The following MAN1A1 variants were observed in gnomAD, a reference collection of about 807,000 sequenced individuals.
MAN1A1 encodes mannosidase alpha class 1A member 1.
A neutral mutation model predicts 70.8 loss-of-function variants in MAN1A1; 29 were observed. That is an observed-to-expected ratio of 0.41 (90% CI 0.31 to 0.56). The LOEUF is 0.56. Among genes scored for constraint, MAN1A1 ranks in the 20% least tolerant of loss-of-function variants. MAN1A1 has a pLI of 0.29. For synonymous variants in MAN1A1, 349 were observed against 330.1 expected (o/e 1.06, Z -0.62); for missense variants, 747 against 841.3 (o/e 0.89, Z 1.39).
At chr6:119,269,322 G>T in intron 5 of MAN1A1, 1 of 264,366 alleles carries the variant, frequency 3.8e-6, no homozygotes, top group South Asian at 3.3e-5. Context: ...AGGCACCCCA[G>T]ATAGGCAAAT....
chr6:119,222,000 T>C (rs534181450), intron 6 of MAN1A1, among the ~76,000 whole-genome samples: 1 of 152,294 alleles, frequency 6.6e-6, no homozygotes, highest in African/African-American at 2.4e-5. Context: ...ACTAAATATT[T>C]TACTATGCAT....
intron 6 of MAN1A1, among the ~76,000 whole-genome samples, chr6:119,214,242 G>A (rs1056175328): frequency 6.6e-5 from 10 of 152,090 alleles, no homozygotes; most frequent in Admixed American, 2.0e-4. Context: ...GGGATTCCAG[G>A]TGTGAGCCAC....
At chr6:119,230,279 A>G (rs559869941) in intron 6 of MAN1A1, among the ~76,000 whole-genome samples, 5 of 152,302 alleles carry the variant, frequency 3.3e-5, no homozygotes, top group Admixed American at 3.3e-4. Flanking sequence ...CTCTTGAGAC[A>G]GGGATGAGCA....
intron 6 of MAN1A1, among the ~76,000 whole-genome samples, chr6:119,210,044 G>C (rs1773999130): frequency 1.3e-5 from 2 of 152,142 alleles, no homozygotes; most frequent in African/African-American, 4.8e-5. Context: ...AGTTGTTTTA[G>C]ACAGAGCTGA....
At chr6:119,197,716 T>A (rs1014661294) in intron 8 of MAN1A1, among the ~76,000 whole-genome samples, 4 of 151,788 alleles carry the variant, frequency 2.6e-5, no homozygotes, top group African/African-American at 9.7e-5. Flanking sequence ...AATAAAAAAA[T>A]AAGTGTGTTT....
At chr6:119,304,963 T>C (rs1772488918) in intron 3 of MAN1A1, among the ~76,000 whole-genome samples, 1 of 152,168 alleles carries the variant, frequency 6.6e-6, no homozygotes, top group African/African-American at 2.4e-5. Context: ...TCCATAAAAA[T>C]GAAAACTTTG....
At chr6:119,239,173 C>T (rs532505919) in intron 6 of MAN1A1, among the ~76,000 whole-genome samples, 37 of 152,276 alleles carry the variant, frequency 2.4e-4, no homozygotes, top group Non-Finnish European at 3.4e-4. Flanking sequence ...CCACCGCACC[C>T]GGCCTGAAAC....
intron 6 of MAN1A1, among the ~76,000 whole-genome samples, chr6:119,224,169 C>G (rs1774442687): frequency 6.6e-6 from 1 of 152,006 alleles, no homozygotes; most frequent in African/African-American, 2.4e-5. Flanking sequence ...ATAAGACATG[C>G]TATAAGGGAG....
At chr6:119,341,667 G>A (rs1180556240) in intron 2 of MAN1A1, among the ~76,000 whole-genome samples, 2 of 152,166 alleles carry the variant, frequency 1.3e-5, no homozygotes, top group Non-Finnish European at 2.9e-5. Flanking sequence ...GATGGACTGA[G>A]CTCTGATTAT....
At position 119,236,858 on chromosome 6, in the gene MAN1A1, T is replaced by C. The variant is rs1582723403; in HGVS notation, c.992+11402A>G. The stretch of plus-strand genomic sequence containing the variant: ...GCCTTCTGGAAAAGATTTGCCATTA[T>C]AGATGCCATTAAGAACATTTGTAAT... On this transcript the variant is annotated intron_variant, in intron 6 of 12. Transcript: ENST00000368468. Among the ~76,000 whole-genome samples the C allele has an allele frequency of 2.6e-5, 4 of 152,106 alleles. No homozygotes were observed. The East Asian group carries it at 5.8e-4, about 22-fold the overall frequency.
chr6:119,340,115 G>C (rs1056974646), intron 2 of MAN1A1, among the ~76,000 whole-genome samples: 5 of 152,064 alleles, frequency 3.3e-5, no homozygotes, highest in Admixed American at 3.3e-4. Flanking sequence ...AACAAAAACA[G>C]TAAAAAGGAA....
In MAN1A1 at chr6:119,214,480, T is replaced by C. The variant is rs529135674; in HGVS notation, c.993-9598A>G. Among the ~76,000 whole-genome samples, 11 of 152,328 alleles carry C rather than the reference T, an allele frequency of 7.2e-5. No individual in the cohort carries two copies. In the South Asian group the frequency reaches 2.1e-3, roughly 29 times the overall value. On this transcript the variant is annotated intron_variant, in intron 6 of 12. Transcript: ENST00000368468. ...GTTTATAAAATAAGTTTTTAAATTGTAAAATGCAAAAAGTAAAAACATCAC... is the reference window on the plus strand; with the variant it reads ...GTTTATAAAATAAGTTTTTAAATTGCAAAATGCAAAAAGTAAAAACATCAC...
chr6:119,288,888 A>G (rs1173860539), intron 5 of MAN1A1, among the ~76,000 whole-genome samples: 1 of 151,782 alleles, frequency 6.6e-6, no homozygotes, highest in Non-Finnish European at 1.5e-5. Context: ...TAATAAAAAC[A>G]TGTTTGTGTA....
intron 7 of MAN1A1, among the ~76,000 whole-genome samples, chr6:119,204,390 A>G (rs1014666827): frequency 2.6e-5 from 4 of 152,224 alleles, no homozygotes; most frequent in African/African-American, 9.6e-5. Flanking sequence ...CGAGGGACCA[A>G]TTCAGCTGCA....
In MAN1A1 at chr6:119,197,281, G is replaced by A. The variant is rs550399336; in HGVS notation, c.1211-3389C>T. Among the ~76,000 whole-genome samples the A allele has an allele frequency of 7.3e-5, 11 of 149,876 alleles. No homozygotes were observed. In the South Asian group the frequency reaches 2.3e-3, roughly 32 times the overall value. Reference sequence around the variant, plus strand: ...TGCACCACTGCACACTACCCTGGGCGACAAAGTAAGACTCCGTCTCCAAAA... The same window carrying A: ...TGCACCACTGCACACTACCCTGGGCAACAAAGTAAGACTCCGTCTCCAAAA... On this transcript the variant is annotated intron_variant, in intron 8 of 12. Transcript: ENST00000368468.
At position 119,204,170 on chromosome 6, in the gene MAN1A1, G is replaced by A. The variant is rs185434910; in HGVS notation, c.1116+589C>T. On this transcript the variant is annotated intron_variant, in intron 7 of 12. Coordinates refer to ENST00000368468, the MANE Select transcript of MAN1A1 (RefSeq NM_005907.4). ...GAAGGGGAGAATGGTAAGTGGCTTTGGCACTGTTGTGCTCACTGGTCACTG... is the reference window on the plus strand; with the variant it reads ...GAAGGGGAGAATGGTAAGTGGCTTTAGCACTGTTGTGCTCACTGGTCACTG... Among the ~76,000 whole-genome samples the A allele has an allele frequency of 9.0e-4, 137 of 152,302 alleles. 3 individuals carry two copies. Among genetic ancestry groups the A allele is most frequent in the Admixed American group, 5.6e-3 (85 of 15,300 alleles).
chr6:119,249,405 G>C (rs1052495626), intron 5 of MAN1A1, among the ~76,000 whole-genome samples: 1 of 152,178 alleles, frequency 6.6e-6, no homozygotes, highest in African/African-American at 2.4e-5. Flanking sequence ...TAGGTCCAAA[G>C]AAAAGCTCTA....
intron 9 of MAN1A1, among the ~76,000 whole-genome samples, chr6:119,192,445 T>C (rs960730309): frequency 1.3e-5 from 2 of 152,146 alleles, no homozygotes; most frequent in African/African-American, 4.8e-5. Context: ...TGTGAAGTAG[T>C]GAAGACTTGT....
chr6:119,244,356 G>T (rs1582730648), intron 6 of MAN1A1, among the ~76,000 whole-genome samples: 1 of 152,186 alleles, frequency 6.6e-6, no homozygotes, highest in South Asian at 2.1e-4. Context: ...TTTAGCAGAG[G>T]TGTGTAACTT....
Sources: allele counts gnomAD v4.1 joint callset (sites outside exome capture counted in the v4.1 genomes callset), GRCh38; gene constraint gnomAD v4.1.1; transcripts MANE v1.5; gene names NCBI Gene and HGNC (gene_info 2026-07-23, HGNC 2026-07-21).